Variants in TMEM51 observed in about 807,000 individuals in gnomAD.
TMEM51 encodes chromosome 1 open reading frame 72.
In TMEM51, 8 loss-of-function variants were observed where a neutral mutation model predicts 13.6. The observed-to-expected ratio is 0.59, with a 90% CI of 0.35 to 1.07. The LOEUF (loss-of-function observed/expected upper bound fraction) is 1.07, where lower values mean the gene tolerates loss of function less well. Ranked by LOEUF, TMEM51 falls within the 50% of genes least tolerant of loss-of-function variation. TMEM51 has a pLI of 0.02. For missense variants in TMEM51, 279 were observed against 330.7 expected (o/e 0.84, Z 1.21); for synonymous variants, 147 against 144.4 (o/e 1.02, Z -0.13).
intron 1 of TMEM51, among the ~76,000 whole-genome samples, chr1:15,166,801 T>C (rs963403756): frequency 2.6e-5 from 4 of 152,222 alleles, no homozygotes; most frequent in African/African-American, 9.6e-5. Context: ...CACAGTTCGA[T>C]GAGTTTTGAC....
intron 1 of TMEM51, among the ~76,000 whole-genome samples, chr1:15,156,672 A>G (rs1342178331): frequency 6.6e-6 from 1 of 152,210 alleles, no homozygotes; most frequent in African/African-American, 2.4e-5. Context: ...GGGAAAAGGA[A>G]GGTCCTAGAA....
intron 1 of TMEM51, among the ~76,000 whole-genome samples, chr1:15,180,715 G>C (rs149072193): frequency 6.6e-6 from 1 of 152,150 alleles, no homozygotes; most frequent in Non-Finnish European, 1.5e-5. Context: ...GACAGTGGCC[G>C]TACTTCTTCC....
chr1:15,175,986 TC>T (rs1224343120), intron 1 of TMEM51, among the ~76,000 whole-genome samples: 1 of 152,224 alleles, frequency 6.6e-6, no homozygotes, highest in African/African-American at 2.4e-5. Flanking sequence ...TCTTGATCAC[TC>T]TGTCAAAAGA....
At chr1:15,205,635 G>A (rs533732812) in intron 1 of TMEM51, among the ~76,000 whole-genome samples, 12 of 152,258 alleles carry the variant, frequency 7.9e-5, no homozygotes, top group Admixed American at 5.9e-4. Flanking sequence ...CCCCTGCCTC[G>A]TACTCACTGT....
intron 1 of TMEM51, chr1:15,171,435 C>A: frequency 3.5e-6 from 3 of 865,320 alleles, no homozygotes; most frequent in Non-Finnish European, 3.1e-6. Context: ...CCTGGGTACA[C>A]GGGCAAACTG....
intron 1 of TMEM51, among the ~76,000 whole-genome samples, chr1:15,173,573 A>C (rs1643365523): frequency 6.6e-6 from 1 of 151,946 alleles, no homozygotes; most frequent in Non-Finnish European, 1.5e-5. Context: ...TGAAAACTAG[A>C]CTTGCTTTAA....
At chr1:15,206,012 A>G (rs1181923016) in intron 1 of TMEM51, among the ~76,000 whole-genome samples, 2 of 152,142 alleles carry the variant, frequency 1.3e-5, no homozygotes, top group South Asian at 2.1e-4. Context: ...TGAGGCAGGC[A>G]GATTGCTTGA....
intron 1 of TMEM51, among the ~76,000 whole-genome samples, chr1:15,184,375 T>G (rs930180039): frequency 2.0e-5 from 3 of 152,112 alleles, no homozygotes; most frequent in Non-Finnish European, 4.4e-5. Flanking sequence ...GACCACACTG[T>G]GAGTGGCCAG....
rs750603396 is a variant in TMEM51, at chr1:15,215,119, A to G, written c.32A>G (p.His11Arg). Residue 11 changes from histidine (H) to arginine (R), a missense_variant, in exon 3 of 4, where the codon CAC becomes CGC. His to Arg is a conservative substitution (Grantham distance 29). Coordinates refer to ENST00000376008, the MANE Select transcript of TMEM51 (RefSeq NM_001136218.2). Reference protein sequence around the residue: MMAQSKANGSHYALTAIGLGM... With the variant: MMAQSKANGSRYALTAIGLGM... ...GCCCAGTCCAAGGCCAATGGCTCGC[A>G]CTATGCGCTGACCGCCATCGGCCTG... is the stretch of plus-strand genomic sequence containing the variant. 1.2e-6 allele frequency: 2 copies of G among 1,613,974 alleles called. No homozygotes were observed. Among genetic ancestry groups the G allele is most frequent in the Non-Finnish European group, 1.7e-6 (2 of 1,180,028 alleles).
chr1:15,196,772 TATGTG>T (rs1207338093), intron 1 of TMEM51, among the ~76,000 whole-genome samples: 1 of 152,220 alleles, frequency 6.6e-6, no homozygotes, highest in Non-Finnish European at 1.5e-5. Flanking sequence ...TATGAACAAG[TATGTG>T]CATTAAACAA....
At chr1:15,181,937 G>C (rs1050576126) in intron 1 of TMEM51, among the ~76,000 whole-genome samples, 1 of 152,114 alleles carries the variant, frequency 6.6e-6, no homozygotes, top group African/African-American at 2.4e-5. Context: ...AAAGTGGGTG[G>C]ATTATCTGAG....
chr1:15,180,701 C>T (rs12145963), intron 1 of TMEM51, among the ~76,000 whole-genome samples: 46,588 of 152,090 alleles, frequency 0.31, 7,474 homozygotes, highest in Middle Eastern at 0.4. Flanking sequence ...TTCTGTAAAA[C>T]GAAGACAGTG....
At chr1:15,216,038 A>AAG (rs1192820825) in intron 3 of TMEM51, among the ~76,000 whole-genome samples, 2 of 152,054 alleles carry the variant, frequency 1.3e-5, no homozygotes, top group Non-Finnish European at 2.9e-5. Context: ...TCTCAAAAAA[A>AAG]AAAATACAAA....
At chr1:15,212,146 T>A (rs1644351033) in intron 2 of TMEM51, among the ~76,000 whole-genome samples, 1 of 152,192 alleles carries the variant, frequency 6.6e-6, no homozygotes, top group Admixed American at 6.5e-5. Flanking sequence ...TGTACATAAT[T>A]CTTAGAAGTT....
intron 1 of TMEM51, among the ~76,000 whole-genome samples, chr1:15,155,288 A>G (rs945822205): frequency 3.3e-5 from 5 of 152,098 alleles, no homozygotes; most frequent in Non-Finnish European, 5.9e-5. Flanking sequence ...AGCCTCAGGG[A>G]GCCCCCAGCC....
In TMEM51 at chr1:15,220,274, CT is replaced by C. The variant is rs1383174701; in HGVS notation, c.*532del. ...TCAGGTGGCGGCTCTCGCAGAGCCC[CT>C]GATGCTGTTGTTCTTTGAGGGCTTA... On this transcript the variant is annotated 3_prime_UTR_variant, in exon 4 of 4. Coordinates refer to ENST00000376008, the MANE Select transcript of TMEM51 (RefSeq NM_001136218.2). 2.6e-5 allele frequency: 4 copies of C among 155,040 alleles called. No individual in the cohort carries two copies. The highest frequency in any genetic ancestry group is 4.8e-5 in the African/African-American group (2 of 41,354). The allele number at this position is 155,040 out of a possible 1,614,324, so 9.6% of individuals were successfully genotyped here. A position where few individuals can be genotyped will look rare whatever the true frequency, so the allele number is the denominator to read the frequency against.
At chr1:15,189,962 T>C (rs1643894278) in intron 1 of TMEM51, among the ~76,000 whole-genome samples, 1 of 152,214 alleles carries the variant, frequency 6.6e-6, no homozygotes, top group Non-Finnish European at 1.5e-5. Flanking sequence ...CTTAAGACAT[T>C]GGTATTTGTC....
At chr1:15,209,553 T>A (rs1294485792) in intron 1 of TMEM51, among the ~76,000 whole-genome samples, 1 of 152,180 alleles carries the variant, frequency 6.6e-6, no homozygotes, top group Non-Finnish European at 1.5e-5. Flanking sequence ...CTGTTCAACA[T>A]TATGTTTGTC....
At chr1:15,176,834 G>A (rs1284609558) in intron 1 of TMEM51, among the ~76,000 whole-genome samples, 1 of 152,186 alleles carries the variant, frequency 6.6e-6, no homozygotes, top group Non-Finnish European at 1.5e-5. Context: ...AGCATGGCTG[G>A]GCCTGAAAGC....
Sources: gnomAD v4.1 joint callset for allele counts (sites outside exome capture counted in the v4.1 genomes callset) on GRCh38, gnomAD v4.1.1 for gene constraint, MANE v1.5 for transcripts, NCBI Gene and HGNC (gene_info 2026-07-23, HGNC 2026-07-21) for gene names.